Variants in PITPNC1 observed in about 807,000 individuals in gnomAD.
PITPNC1 encodes the protein phosphatidylinositol transfer protein cytoplasmic 1.
Under a neutral mutation model 44.7 loss-of-function variants are expected in PITPNC1, and 18 were observed. The observed-to-expected ratio is 0.40, with a 90% confidence interval of 0.28 to 0.60. PITPNC1 has a LOEUF of 0.60. PITPNC1 is among the 20% of genes least tolerant of loss of function. PITPNC1 has a pLI of 0.39. For missense variants in PITPNC1, 290 were observed against 418.4 expected, an observed-to-expected ratio of 0.69 and a Z score of 2.68; for synonymous variants, 141 against 149.6, an observed-to-expected ratio of 0.94 and a Z score of 0.42.
At chr17:67,458,169 G>T (rs1183315794) in intron 1 of PITPNC1, among the ~76,000 whole-genome samples, 2 of 152,046 alleles carry the variant, frequency 1.3e-5, no homozygotes. Flanking sequence ...CTACACCATG[G>T]TCTGAAGGCT....
intron 1 of PITPNC1, among the ~76,000 whole-genome samples, chr17:67,384,582 C>T (rs1048642081): frequency 2.0e-5 from 3 of 152,198 alleles, no homozygotes; most frequent in Non-Finnish European, 2.9e-5. Context: ...CCCGCCACTG[C>T]GCCCAGCTGA....
chr17:67,425,182 GTTGT>G (rs2038730788), intron 1 of PITPNC1, among the ~76,000 whole-genome samples: 1 of 115,054 alleles, frequency 8.7e-6, no homozygotes, highest in Non-Finnish European at 1.7e-5. Flanking sequence ...AAACAGCCAT[GTTGT>G]GCGCGCGCAC....
intron 1 of PITPNC1, chr17:67,457,864 T>G (rs1412136801): frequency 2.6e-5 from 4 of 152,234 alleles, no homozygotes; most frequent in African/African-American, 7.2e-5. Flanking sequence ...TTGCTTCTCC[T>G]TCACTGGGGC....
chr17:67,630,961 C>T (rs1275729255), intron 5 of PITPNC1, among the ~76,000 whole-genome samples: 1 of 151,760 alleles, frequency 6.6e-6, no homozygotes, highest in Non-Finnish European at 1.5e-5. Context: ...ATCTGCCCAC[C>T]TCGGCCTCCC....
intron 4 of PITPNC1, among the ~76,000 whole-genome samples, chr17:67,560,170 G>A (rs758386907): frequency 3.3e-5 from 5 of 152,162 alleles, no homozygotes; most frequent in Non-Finnish European, 5.9e-5. Flanking sequence ...AACGTTTCCC[G>A]AGCTGATTTG....
intron 6 of PITPNC1, among the ~76,000 whole-genome samples, chr17:67,635,624 G>A (rs751138337): frequency 2.6e-5 from 4 of 152,096 alleles, no homozygotes; most frequent in Non-Finnish European, 4.4e-5. Flanking sequence ...AATATAAATG[G>A]GAAAGGGGTT....
At chr17:67,505,325 A>G (rs572146508) in intron 1 of PITPNC1, among the ~76,000 whole-genome samples, 2 of 152,320 alleles carry the variant, frequency 1.3e-5, no homozygotes, top group African/African-American at 4.8e-5. Flanking sequence ...GTCTCCAACT[A>G]TAGTTGTGAT....
chr17:67,641,960 A>T (rs890744747), intron 6 of PITPNC1, among the ~76,000 whole-genome samples: 12 of 152,108 alleles, frequency 7.9e-5, no homozygotes, highest in African/African-American at 2.9e-4. Flanking sequence ...CTGTAGAATA[A>T]ATCTAAAAGT....
At chr17:67,438,155 A>G (rs1044178829) in intron 1 of PITPNC1, among the ~76,000 whole-genome samples, 7 of 152,220 alleles carry the variant, frequency 4.6e-5, no homozygotes, top group Non-Finnish European at 8.8e-5. Flanking sequence ...CCTTCAGGTC[A>G]CTCAATAGCC....
At chr17:67,544,710 C>T (rs1313071019) in intron 2 of PITPNC1, among the ~76,000 whole-genome samples, 2 of 152,172 alleles carry the variant, frequency 1.3e-5, no homozygotes, top group Non-Finnish European at 2.9e-5. Flanking sequence ...TCTTTTTTAA[C>T]TGATGGGCTT....
At chr17:67,602,943 G>A (rs1376165291) in intron 5 of PITPNC1, among the ~76,000 whole-genome samples, 1 of 151,806 alleles carries the variant, frequency 6.6e-6, no homozygotes, top group Non-Finnish European at 1.5e-5. Context: ...GTTTTGCCAT[G>A]TTTCCCAGGC....
chr17:67,623,464 C>T (rs541466887), intron 5 of PITPNC1, among the ~76,000 whole-genome samples: 1 of 152,300 alleles, frequency 6.6e-6, no homozygotes, highest in South Asian at 2.1e-4. Context: ...ACTGCAATCT[C>T]CACCTCCCGG....
At chr17:67,620,901 G>A (rs1490841075) in intron 5 of PITPNC1, among the ~76,000 whole-genome samples, 3 of 152,182 alleles carry the variant, frequency 2.0e-5, no homozygotes, top group Non-Finnish European at 1.5e-5. Flanking sequence ...GAGTGGATCT[G>A]GGGTCATCAC....
At chr17:67,637,414 C>T (rs2642063) in intron 6 of PITPNC1, among the ~76,000 whole-genome samples, 111,509 of 151,776 alleles carry the variant, frequency 0.73, 42,014 homozygotes, top group African/African-American at 0.87. Flanking sequence ...GCTGATGGGC[C>T]GAATCTGTTC....
At position 67,680,991 on chromosome 17, in the gene PITPNC1, A is replaced by T. The variant is rs191763323; in HGVS notation, c.682+5449A>T. 3.1e-3 allele frequency among the ~76,000 whole-genome samples: 466 copies of T among 152,320 alleles called. 1 individual carries two copies. The highest frequency in any genetic ancestry group is 2.5e-3 in the Admixed American group (39 of 15,304). On this transcript the variant is annotated intron_variant, in intron 8 of 8. Coordinates refer to ENST00000581322, the MANE Select transcript of PITPNC1 (RefSeq NM_012417.4). ...AGAGGGAAATAAAGTATAATGTGCC[A>T]TTTCACAGATCATTGAATTAGAACA...
At chr17:67,608,314 A>G (rs1056900973) in intron 5 of PITPNC1, among the ~76,000 whole-genome samples, 2 of 151,938 alleles carry the variant, frequency 1.3e-5, no homozygotes, top group African/African-American at 4.8e-5. Context: ...GAGGCAGGAG[A>G]ATGGCCTGAG....
intron 5 of PITPNC1, among the ~76,000 whole-genome samples, chr17:67,593,019 C>T (rs1486374725): frequency 6.6e-6 from 1 of 152,112 alleles, no homozygotes; most frequent in African/African-American, 2.4e-5. Flanking sequence ...ATCTGGGCAA[C>T]AGAGAAAGAC....
chr17:67,504,231 A>G (rs2040072436), intron 1 of PITPNC1, among the ~76,000 whole-genome samples: 1 of 152,178 alleles, frequency 6.6e-6, no homozygotes, highest in Non-Finnish European at 1.5e-5. Context: ...AAGGAGTAGG[A>G]TCACTTGACC....
intron 1 of PITPNC1, among the ~76,000 whole-genome samples, chr17:67,495,062 T>TG (rs1350882376): frequency 6.1e-5 from 6 of 98,934 alleles, no homozygotes; most frequent in African/African-American, 2.2e-4. Flanking sequence ...GTTTTTTTTT[T>TG]TTTTTTTTTT....
Sources: gnomAD v4.1 joint callset for allele counts (sites outside exome capture counted in the v4.1 genomes callset) on GRCh38, gnomAD v4.1.1 for gene constraint, MANE v1.5 for transcripts, NCBI Gene and HGNC (gene_info 2026-07-23, HGNC 2026-07-21) for gene names.